INPP4B: variants seen among roughly 807,000 people sequenced by gnomAD.
The protein encoded by INPP4B is inositol polyphosphate-4-phosphatase type II B.
INPP4B carries 55 observed loss-of-function variants against 122.5 expected under a neutral mutation model. The observed-to-expected ratio is 0.45, with a 90% CI of 0.36 to 0.56. The LOEUF is 0.56. Ranked by LOEUF, INPP4B falls within the 20% of genes least tolerant of loss-of-function variation. The pLI is 0.00. For synonymous variants in INPP4B, 403 were observed against 388.7 expected (o/e 1.04, Z -0.43); for missense variants, 1,000 against 1,097.7 (o/e 0.91, Z 1.26).
Position 142,592,578 on chromosome 4 carries a change from C to T in INPP4B, c.-190-129852G>A, listed in dbSNP as rs147727141. On this transcript the variant is annotated intron_variant, in intron 2 of 25. Coordinates refer to ENST00000262992, the MANE Select transcript of INPP4B (RefSeq NM_001101669.3). The stretch of plus-strand genomic sequence containing the variant: ...AAATGAGTGTATATTAAGTTTTCTT[C>T]TTTCTATTTCTATGGAATCAGTTCA... Among the ~76,000 whole-genome samples, 549 of 152,240 alleles carry T rather than the reference C, an allele frequency of 3.6e-3. 7 individuals are homozygous for T. The highest frequency in any genetic ancestry group is 0.018 in the East Asian group (94 of 5,174).
At chr4:142,123,468 T>C (rs944011075) in intron 19 of INPP4B, 53 bp from the exon 20 acceptor site, 1 of 1,556,520 alleles carries the variant, frequency 6.4e-7, no homozygotes, top group Non-Finnish European at 8.8e-7. Flanking sequence ...GTATTTGTTT[T>C]ATTTTGAAAT....
intron 1 of INPP4B, among the ~76,000 whole-genome samples, chr4:142,806,026 A>G (rs977341532): frequency 5.9e-5 from 9 of 152,160 alleles, no homozygotes; most frequent in Admixed American, 1.3e-4. Context: ...CACGCCTGTA[A>G]TCCCAGACTT....
intron 2 of INPP4B, among the ~76,000 whole-genome samples, chr4:142,643,181 G>A (rs1356665650): frequency 2.0e-5 from 3 of 151,878 alleles, no homozygotes; most frequent in Non-Finnish European, 2.9e-5. Flanking sequence ...GAGATGATGG[G>A]GTTTTCTAAA....
chr4:142,082,830 A>G (rs1020333612), intron 24 of INPP4B, among the ~76,000 whole-genome samples: 2 of 152,176 alleles, frequency 1.3e-5, no homozygotes, highest in Non-Finnish European at 2.9e-5. Flanking sequence ...TGCTCTTTTT[A>G]ATAAACTTCA....
intron 7 of INPP4B, among the ~76,000 whole-genome samples, chr4:142,333,021 A>G (rs374945719): frequency 2.0e-5 from 3 of 150,458 alleles, no homozygotes; most frequent in African/African-American, 7.4e-5. Flanking sequence ...AAAAAAAAAA[A>G]AAAAAACAAA....
intron 1 of INPP4B, among the ~76,000 whole-genome samples, chr4:142,742,147 C>T (rs773036554): frequency 1.3e-5 from 2 of 151,898 alleles, no homozygotes; most frequent in South Asian, 2.1e-4. Context: ...ACTCACCCTC[C>T]TATTGATAAT....
intron 2 of INPP4B, among the ~76,000 whole-genome samples, chr4:142,690,210 A>C (rs976136282): frequency 2.6e-5 from 4 of 152,168 alleles, no homozygotes; most frequent in Admixed American, 6.6e-5. Context: ...GGTGTGTTGC[A>C]AAGCACGAAG....
chr4:142,102,387 A>G (rs149385514), intron 23 of INPP4B, among the ~76,000 whole-genome samples: 44 of 152,128 alleles, frequency 2.9e-4, no homozygotes, highest in African/African-American at 9.4e-4. Context: ...TTATTCTAAA[A>G]GAATTTAAAA....
At chr4:142,148,375 A>G (rs1811930406) in intron 17 of INPP4B, among the ~76,000 whole-genome samples, 1 of 151,802 alleles carries the variant, frequency 6.6e-6, no homozygotes, top group Admixed American at 6.6e-5. Context: ...CACCACGCCT[A>G]ACTAATTTTT....
At chr4:142,754,548 G>C (rs961993885) in intron 1 of INPP4B, among the ~76,000 whole-genome samples, 10 of 151,878 alleles carry the variant, frequency 6.6e-5, no homozygotes, top group African/African-American at 2.2e-4. Context: ...TTTAAATACA[G>C]GTCTACATTA....
chr4:142,442,411 C>CAAAAAAAAAAA (rs70949167), intron 3 of INPP4B, among the ~76,000 whole-genome samples: 1 of 78,644 alleles, frequency 1.3e-5, no homozygotes, highest in Non-Finnish European at 2.3e-5. Flanking sequence ...GACTCCATCT[C>CAAAAAAAAAAA]AAAAAAAAAA....
intron 2 of INPP4B, among the ~76,000 whole-genome samples, chr4:142,656,833 G>GC (rs1409412219): frequency 2.0e-5 from 3 of 152,204 alleles, no homozygotes; most frequent in Admixed American, 6.5e-5. Flanking sequence ...ACTGGGTTAG[G>GC]CCCCCCAACT....
rs902422832 is a variant in INPP4B at position 142,436,150 on chromosome 4, T to C, written c.-126-4765A>G. Among the ~76,000 whole-genome samples, 6 of 152,186 alleles carry C rather than the reference T, an allele frequency of 3.9e-5. No homozygotes were observed. In the South Asian group the frequency reaches 1.0e-3, roughly 26 times the overall value. On this transcript the variant is annotated intron_variant, in intron 3 of 25. Coordinates refer to ENST00000262992, the MANE Select transcript of INPP4B (RefSeq NM_001101669.3). Reference sequence around the variant, plus strand: ...CAGGCTGTGGCAGACTACGGCCAGATTGCCTCTTCAAGCCAGACACTGACC... The same window carrying C: ...CAGGCTGTGGCAGACTACGGCCAGACTGCCTCTTCAAGCCAGACACTGACC...
intron 2 of INPP4B, among the ~76,000 whole-genome samples, chr4:142,720,893 CGTGTGTGTGTGTGT>C (rs35250436): frequency 3.6e-5 from 4 of 111,252 alleles, no homozygotes; most frequent in South Asian, 6.3e-4. Context: ...GAGTGCATCT[CGTGTGTGTGTGTGT>C]GTGTGTGTGT....
At chr4:142,279,923 T>A (rs952959823) in intron 9 of INPP4B, among the ~76,000 whole-genome samples, 1 of 151,902 alleles carries the variant, frequency 6.6e-6, no homozygotes, top group Non-Finnish European at 1.5e-5. Flanking sequence ...ACCAACCCAA[T>A]TAATCAATGA....
rs540541970 is a variant in INPP4B, at chr4:142,064,335, C to G, written c.2642+17696G>C. Among the ~76,000 whole-genome samples the G allele has an allele frequency of 3.9e-5, 6 of 152,200 alleles. No individual in the cohort carries two copies. In the South Asian group the frequency reaches 1.2e-3, roughly 32 times the overall value. ...AACCACAGAGGAAAAAAAGATGAAA[C>G]TCATCAAATGCTTGTTGGAATGTGG... On this transcript the variant is annotated intron_variant, in intron 25 of 25. Transcript: ENST00000262992.
chr4:142,163,481 C>T (rs183169273), intron 16 of INPP4B, among the ~76,000 whole-genome samples: 7 of 151,950 alleles, frequency 4.6e-5, no homozygotes, highest in East Asian at 1.9e-4. Context: ...TATCTAATCA[C>T]GTAGACATTG....
intron 10 of INPP4B, 22 bp from the exon 11 acceptor site, chr4:142,260,586 A>AC (rs763407850): frequency 1.7e-5 from 25 of 1,473,352 alleles, no homozygotes; most frequent in Non-Finnish European, 2.1e-5. Context: ...TGTAAAAAAA[A>AC]AAAAAAAATT....
At chr4:142,445,709 A>C (rs1446291424) in intron 3 of INPP4B, among the ~76,000 whole-genome samples, 1 of 152,174 alleles carries the variant, frequency 6.6e-6, no homozygotes, top group Admixed American at 6.5e-5. Flanking sequence ...CACTTATAAA[A>C]TGCTCTGCCT....
Sources: allele counts gnomAD v4.1 joint callset (sites outside exome capture counted in the v4.1 genomes callset), GRCh38; gene constraint gnomAD v4.1.1; transcripts MANE v1.5; gene names NCBI Gene and HGNC (gene_info 2026-07-23, HGNC 2026-07-21).